The following CCDC3 variants were observed in gnomAD, a reference collection of about 807,000 sequenced individuals.
CCDC3 encodes the protein coiled-coil domain containing 3.
CCDC3 carries 24 observed loss-of-function variants against 21.4 expected under a neutral mutation model. The ratio of observed to expected loss-of-function variants is 1.12; its 90% CI spans 0.81 to 1.58. The LOEUF is 1.58. CCDC3 is among the 40% of genes most tolerant of loss of function. The pLI is 0.00. For missense variants in CCDC3, 425 were observed against 360.9 expected (o/e 1.18, Z -1.44); for synonymous variants, 186 against 166.0 (o/e 1.12, Z -0.93).
intron 3 of CCDC3, among the ~76,000 whole-genome samples, chr10:13,083,916 A>G (rs1837072718): frequency 6.6e-6 from 1 of 152,248 alleles, no homozygotes; most frequent in Non-Finnish European, 1.5e-5. Flanking sequence ...TGCAGAAAGT[A>G]AAATAACCTT....
At chr10:12,973,930 G>A (rs921195583) in intron 2 of CCDC3, among the ~76,000 whole-genome samples, 5 of 151,962 alleles carry the variant, frequency 3.3e-5, no homozygotes, top group Non-Finnish European at 5.9e-5. Flanking sequence ...AACAATCTCC[G>A]ACTTTGACTG....
chr10:12,986,756 G>C (rs1266734868), intron 2 of CCDC3, among the ~76,000 whole-genome samples: 3 of 147,160 alleles, frequency 2.0e-5, no homozygotes, highest in East Asian at 2.1e-4. Flanking sequence ...CTGGGCGGCA[G>C]AGCGAGACTC....
chr10:12,965,440 G>A (rs943960384), intron 2 of CCDC3, among the ~76,000 whole-genome samples: 2 of 152,082 alleles, frequency 1.3e-5, no homozygotes, highest in African/African-American at 4.8e-5. Flanking sequence ...TACTGTCATA[G>A]TCACATATAC....
At chr10:12,954,249 A>G (rs571608204) in intron 2 of CCDC3, among the ~76,000 whole-genome samples, 2 of 152,220 alleles carry the variant, frequency 1.3e-5, no homozygotes, top group African/African-American at 4.8e-5. Flanking sequence ...CTAGTAGTTT[A>G]CCCAGAATGC....
At chr10:13,068,348 T>C (rs1187816823) in intron 4 of CCDC3, among the ~76,000 whole-genome samples, 1 of 152,016 alleles carries the variant, frequency 6.6e-6, no homozygotes, top group Non-Finnish European at 1.5e-5. Flanking sequence ...GTCGTGTATG[T>C]GATGTCTATA....
chr10:13,083,503 A>G (rs1837067394), intron 3 of CCDC3, among the ~76,000 whole-genome samples: 1 of 152,252 alleles, frequency 6.6e-6, no homozygotes, highest in African/African-American at 2.4e-5. Context: ...ATTTGTGCTA[A>G]TAACTCTTTG....
chr10:13,095,714 A>G (rs1352203656), intron 3 of CCDC3, among the ~76,000 whole-genome samples: 1 of 152,142 alleles, frequency 6.6e-6, no homozygotes, highest in Non-Finnish European at 1.5e-5. Flanking sequence ...GCTTTATTGG[A>G]CATAATTATT....
chr10:12,903,529 A>G (rs1209220705), intron 2 of CCDC3, among the ~76,000 whole-genome samples: 1 of 152,258 alleles, frequency 6.6e-6, no homozygotes, highest in African/African-American at 2.4e-5. Context: ...AGGTACTGCC[A>G]TATTTTCTTT....
At chr10:12,934,067 T>A (rs994773204) in intron 2 of CCDC3, among the ~76,000 whole-genome samples, 1 of 152,240 alleles carries the variant, frequency 6.6e-6, no homozygotes, top group Admixed American at 6.5e-5. Flanking sequence ...TCCTAATATA[T>A]GCATTTCATG....
At chr10:13,085,036 G>A (rs1342697755) in intron 3 of CCDC3, among the ~76,000 whole-genome samples, 1 of 152,196 alleles carries the variant, frequency 6.6e-6, no homozygotes, top group Non-Finnish European at 1.5e-5. Flanking sequence ...CAGGGAAGAA[G>A]AGAACTATTT....
chr10:12,973,304 C>T (rs958628082), intron 2 of CCDC3, among the ~76,000 whole-genome samples: 4 of 152,132 alleles, frequency 2.6e-5, no homozygotes, highest in Admixed American at 6.5e-5. Context: ...TGTCCCAGGT[C>T]CTGGGCCCGA....
chr10:12,917,848 T>C (rs1430013070), intron 2 of CCDC3, among the ~76,000 whole-genome samples: 5 of 152,252 alleles, frequency 3.3e-5, no homozygotes, highest in African/African-American at 1.2e-4. Context: ...AAGATTTTGA[T>C]GTGCCACGTT....
intron 2 of CCDC3, among the ~76,000 whole-genome samples, chr10:12,986,239 T>C (rs1391717040): frequency 3.9e-5 from 6 of 152,232 alleles, no homozygotes; most frequent in Non-Finnish European, 5.9e-5. Context: ...TGTAATAAAC[T>C]TGCACAGAGT....
intron 2 of CCDC3, among the ~76,000 whole-genome samples, chr10:12,947,153 T>G (rs11258074): frequency 0.12 from 18,217 of 151,540 alleles, 1,144 homozygotes; most frequent in Middle Eastern, 0.18. Context: ...CTTTTTTTTT[T>G]TTTTGTTTTT....
intron 5 of CCDC3, among the ~76,000 whole-genome samples, chr10:13,008,623 T>C (rs1235952480): frequency 6.6e-6 from 1 of 152,260 alleles, no homozygotes; most frequent in Non-Finnish European, 1.5e-5. Flanking sequence ...TGGTGAAACA[T>C]GAATTCATAG....
chr10:13,058,384 C>A, intron 4 of CCDC3: 1 of 949,416 alleles, frequency 1.1e-6, no homozygotes, highest in Admixed American at 1.7e-5. Flanking sequence ...CAGGACAATA[C>A]GCTGCAGCGT....
At chr10:13,079,093 A>T (rs186004533) in intron 3 of CCDC3, among the ~76,000 whole-genome samples, 112 of 152,370 alleles carry the variant, frequency 7.4e-4, no homozygotes, top group Middle Eastern at 3.4e-3. Flanking sequence ...CCCTTTCTGC[A>T]GAAAGTAAAA....
chr10:13,043,755 T>C (rs77644053), intron 5 of CCDC3, among the ~76,000 whole-genome samples: 3 of 152,226 alleles, frequency 2.0e-5, no homozygotes, highest in Non-Finnish European at 2.9e-5. Flanking sequence ...CAGTACAGCA[T>C]TGATGGGTAC....
chr10:12,964,703 G>C (rs1361771748), intron 2 of CCDC3, among the ~76,000 whole-genome samples: 2 of 152,236 alleles, frequency 1.3e-5, no homozygotes, highest in Non-Finnish European at 1.5e-5. Context: ...TGTAGCCAAA[G>C]GCATCCTTAA....
Sources: gnomAD v4.1 joint callset for allele counts (sites outside exome capture counted in the v4.1 genomes callset) on GRCh38, gnomAD v4.1.1 for gene constraint, MANE v1.5 for transcripts, NCBI Gene and HGNC (gene_info 2026-07-23, HGNC 2026-07-21) for gene names.